ERI1: variants seen among roughly 807,000 people sequenced by gnomAD.
ERI1 encodes the protein 3'-5' exoribonuclease 1.
In ERI1, 39 loss-of-function variants were observed where a neutral mutation model predicts 39.7. That is an observed-to-expected ratio of 0.98 (90% confidence interval 0.76 to 1.28). The LOEUF (loss-of-function observed/expected upper bound fraction) is 1.28. ERI1 is among the 50% of genes most tolerant of loss of function. ERI1 has a pLI of 0.00. For synonymous variants in ERI1, 204 were observed against 149.6 expected (o/e 1.36, Z -2.65); for missense variants, 581 against 416.9 (o/e 1.39, Z -3.43).
At chr8:9,096,585 G>C (rs982095646) in intron 3 of ERI1, among the ~76,000 whole-genome samples, 3 of 152,102 alleles carry the variant, frequency 2.0e-5, no homozygotes, top group African/African-American at 4.8e-5. Context: ...GGCTGACCTC[G>C]GAAGTGTGGT....
intron 6 of ERI1, among the ~76,000 whole-genome samples, chr8:9,025,337 C>T (rs570585055): frequency 1.8e-4 from 28 of 152,176 alleles, no homozygotes; most frequent in African/African-American, 3.9e-4. Context: ...AGACATACTC[C>T]GTTACCTTTG....
intron 3 of ERI1, among the ~76,000 whole-genome samples, chr8:9,054,025 C>T (rs1051512026): frequency 2.2e-5 from 3 of 135,222 alleles, no homozygotes; most frequent in African/African-American, 8.8e-5. Flanking sequence ...AGTTCTAAGG[C>T]CTGATAGGCT....
intron 3 of ERI1, among the ~76,000 whole-genome samples, chr8:9,061,012 A>C (rs935008497): frequency 6.6e-6 from 1 of 152,228 alleles, no homozygotes; most frequent in Non-Finnish European, 1.5e-5. Context: ...GAGTCAGTAT[A>C]AATATTGACG....
At position 9,033,313 on chromosome 8, in the gene ERI1, TTCTC is replaced by T. The variant is rs777922963; in HGVS notation, c.*3281_*3284del. On this transcript the variant is annotated 3_prime_UTR_variant, in exon 7 of 7. Transcript: ENST00000250263. The stretch of plus-strand genomic sequence containing the variant: ...AATACGAAAATTACGAAATTTTAGT[TTCTC>T]TAAATAAAGTTTTGGAAAGAACTAC... 2 of 152,170 alleles carry T rather than the reference TTCTC, an allele frequency of 1.3e-5. No individual in the cohort carries two copies. Among genetic ancestry groups the T allele is most frequent in the Non-Finnish European group, 2.9e-5 (2 of 68,032 alleles). 9.4% of individuals were successfully genotyped at this position (152,170 alleles called of 1,614,324 possible).
intron 3 of ERI1, among the ~76,000 whole-genome samples, chr8:9,077,319 A>G (rs911672741): frequency 6.6e-6 from 1 of 152,200 alleles, no homozygotes; most frequent in South Asian, 2.1e-4. Context: ...CATGAAACCT[A>G]TGTAGAGGCA....
intron 3 of ERI1, among the ~76,000 whole-genome samples, chr8:9,063,444 A>T (rs868276482): frequency 3.8e-4 from 58 of 152,252 alleles, no homozygotes; most frequent in South Asian, 4.1e-4. Context: ...ACCGGGTGTG[A>T]GGAGGGGAGG....
chr8:9,089,566 G>A (rs1799641156), intron 3 of ERI1, among the ~76,000 whole-genome samples: 1 of 152,204 alleles, frequency 6.6e-6, no homozygotes, highest in Admixed American at 6.5e-5. Context: ...TGAGGAGGAA[G>A]CAGAGAGGAG....
chr8:9,055,242 C>T (rs1019131712), intron 3 of ERI1, among the ~76,000 whole-genome samples: 3 of 152,108 alleles, frequency 2.0e-5, no homozygotes, highest in Non-Finnish European at 4.4e-5. Flanking sequence ...AACAGTTGGC[C>T]ACATTTGATT....
intron 3 of ERI1, among the ~76,000 whole-genome samples, chr8:9,090,569 G>C (rs1294577951): frequency 6.6e-6 from 1 of 152,144 alleles, no homozygotes; most frequent in African/African-American, 2.4e-5. Context: ...AGGAGTATTC[G>C]TTTTTAAATG....
intron 3 of ERI1, among the ~76,000 whole-genome samples, chr8:9,072,267 A>G (rs1799077113): frequency 6.6e-6 from 1 of 152,076 alleles, no homozygotes; most frequent in Non-Finnish European, 1.5e-5. Flanking sequence ...TACCACATTG[A>G]CGGTCCTTTC....
At chr8:9,019,546 A>G (rs993078190) in intron 5 of ERI1, among the ~76,000 whole-genome samples, 1 of 152,322 alleles carries the variant, frequency 6.6e-6, no homozygotes, top group Middle Eastern at 3.4e-3. Flanking sequence ...TTTTGTAACA[A>G]GAGCACTAAC....
At chr8:9,080,583 G>A (rs1799338349) in intron 3 of ERI1, among the ~76,000 whole-genome samples, 1 of 152,198 alleles carries the variant, frequency 6.6e-6, no homozygotes. Flanking sequence ...TGATTTTCCT[G>A]CAGGTTTTCA....
At chr8:9,091,727 G>C (rs1157394435) in intron 3 of ERI1, among the ~76,000 whole-genome samples, 1 of 152,142 alleles carries the variant, frequency 6.6e-6, no homozygotes, top group African/African-American at 2.4e-5. Flanking sequence ...TGTCTGGTTA[G>C]CATATGACAG....
chr8:9,044,307 A>G (rs1309223633), intron 3 of ERI1, among the ~76,000 whole-genome samples: 1 of 152,172 alleles, frequency 6.6e-6, no homozygotes, highest in Non-Finnish European at 1.5e-5. Context: ...TGATTAGCGG[A>G]TAAGTGATCC....
At chr8:9,022,768 A>G (rs570672767) in intron 6 of ERI1, among the ~76,000 whole-genome samples, 1 of 152,232 alleles carries the variant, frequency 6.6e-6, no homozygotes, top group East Asian at 1.9e-4. Context: ...GTTATGGAAA[A>G]TTTCAAACAT....
downstream of ERI1, among the ~76,000 whole-genome samples, chr8:9,036,300 A>G (rs541281653): frequency 6.6e-6 from 1 of 152,218 alleles, no homozygotes; most frequent in Non-Finnish European, 1.5e-5. Flanking sequence ...CAGTTGATGG[A>G]GCAAACTTCA....
intron 3 of ERI1, among the ~76,000 whole-genome samples, chr8:9,042,274 A>C (rs967031790): frequency 2.0e-5 from 3 of 152,062 alleles, no homozygotes; most frequent in African/African-American, 7.2e-5. Context: ...CTTTGCGATA[A>C]TTTCTCTCTG....
chr8:9,047,917 TG>T (rs1436715998), intron 3 of ERI1, among the ~76,000 whole-genome samples: 2 of 152,344 alleles, frequency 1.3e-5, no homozygotes, highest in African/African-American at 4.8e-5. Flanking sequence ...CCAGATGCCT[TG>T]GCTTGATCTC....
rs184411539 is a variant in ERI1, at chr8:9,016,730, G to A, written c.582+325G>A. 1.5e-3 allele frequency among the ~76,000 whole-genome samples: 234 copies of A among 152,276 alleles called. 3 individuals are homozygous for A. The highest frequency in any genetic ancestry group is 3.5e-3 in the Admixed American group (53 of 15,296). On this transcript the variant is annotated intron_variant, in intron 4 of 6. Transcript: ENST00000250263. ...TGAGACAGTCTCACTCTGTCACCCA[G>A]GCTTGAGTACAGTGGCGTGACCTCG...
Sources: gnomAD v4.1 joint callset for allele counts (sites outside exome capture counted in the v4.1 genomes callset) on GRCh38, gnomAD v4.1.1 for gene constraint, MANE v1.5 for transcripts, NCBI Gene and HGNC (gene_info 2026-07-23, HGNC 2026-07-21) for gene names.